LRP1B: variants seen among roughly 807,000 people sequenced by gnomAD.
LRP1B encodes LDL receptor related protein 1B, also known as low-density lipoprotein receptor-related protein 1B.
In LRP1B, 217 loss-of-function variants were observed where a neutral mutation model predicts 556.6. The observed-to-expected ratio is 0.39, with a 90% confidence interval of 0.35 to 0.44. The LOEUF (loss-of-function observed/expected upper bound fraction) is 0.44, where lower values mean the gene tolerates loss of function less well. LRP1B is among the 20% of genes least tolerant of loss of function. The pLI, the probability that LRP1B is intolerant of heterozygous loss-of-function variation, is 1.00. For synonymous variants in LRP1B, 2,047 were observed against 1,865.8 expected (o/e 1.10, Z -2.50); for missense variants, 5,053 against 5,620.8 (o/e 0.90, Z 3.23).
At chr2:140,273,134 T>A (rs541997950) in intron 85 of LRP1B, among the ~76,000 whole-genome samples, 33 of 151,994 alleles carry the variant, frequency 2.2e-4, no homozygotes, top group Middle Eastern at 3.4e-3. Context: ...ATTTCTCAGA[T>A]GTGATCTCGG....
At chr2:141,599,002 T>TA (rs1462882323) in intron 2 of LRP1B, among the ~76,000 whole-genome samples, 1 of 137,378 alleles carries the variant, frequency 7.3e-6, no homozygotes, top group Non-Finnish European at 1.5e-5. Flanking sequence ...GCCAAGTCTA[T>TA]AAAAAAATTG....
intron 1 of LRP1B, among the ~76,000 whole-genome samples, chr2:141,823,832 A>ATATT (rs774815982): frequency 4.5e-4 from 69 of 152,012 alleles, no homozygotes; most frequent in African/African-American, 1.4e-3. Flanking sequence ...CCATGTCAGG[A>ATATT]TATTTATTTA....
At chr2:141,614,596 G>C (rs909713881) in intron 2 of LRP1B, among the ~76,000 whole-genome samples, 3 of 152,180 alleles carry the variant, frequency 2.0e-5, no homozygotes, top group African/African-American at 4.8e-5. Context: ...TGCACACAAA[G>C]AAAACACAAC....
chr2:141,845,168 G>A (rs1042556333), intron 1 of LRP1B, among the ~76,000 whole-genome samples: 2 of 151,440 alleles, frequency 1.3e-5, no homozygotes, highest in African/African-American at 2.4e-5. Flanking sequence ...GAATCTTTCA[G>A]CTTCAAGGTT....
chr2:140,972,099 G>A (rs907237314), intron 18 of LRP1B, among the ~76,000 whole-genome samples: 1 of 152,150 alleles, frequency 6.6e-6, no homozygotes, highest in Non-Finnish European at 1.5e-5. Context: ...CCACTTTTCT[G>A]CAGACTGGGC....
chr2:140,241,560 T>A (rs1281476314), intron 87 of LRP1B, among the ~76,000 whole-genome samples: 2 of 150,848 alleles, frequency 1.3e-5, no homozygotes, highest in Non-Finnish European at 3.0e-5. Context: ...GTTTCTTTTT[T>A]TCCCTTCATA....
At chr2:140,859,089 G>A (rs1478147459) in intron 27 of LRP1B, among the ~76,000 whole-genome samples, 1 of 152,026 alleles carries the variant, frequency 6.6e-6, no homozygotes, top group Non-Finnish European at 1.5e-5. Flanking sequence ...CAAAGTGCTG[G>A]GTTTACCAGT....
chr2:140,612,663 C>G (rs1370538570), intron 41 of LRP1B, among the ~76,000 whole-genome samples: 1 of 152,060 alleles, frequency 6.6e-6, no homozygotes, highest in South Asian at 2.1e-4. Context: ...AGTGATTGAG[C>G]GCTTGATCCG....
At chr2:140,463,007 A>G (rs1488983322) in intron 60 of LRP1B, among the ~76,000 whole-genome samples, 1 of 152,196 alleles carries the variant, frequency 6.6e-6, no homozygotes, top group African/African-American at 2.4e-5. Context: ...GCATAGTGTG[A>G]AAAACAAAAA....
At chr2:141,885,824 T>C (rs1213046498) in intron 1 of LRP1B, among the ~76,000 whole-genome samples, 1 of 152,196 alleles carries the variant, frequency 6.6e-6, no homozygotes, top group Non-Finnish European at 1.5e-5. Flanking sequence ...AGGGAAAAAC[T>C]GAAAGCTTGT....
chr2:142,009,176 A>C (rs753830608), intron 1 of LRP1B, among the ~76,000 whole-genome samples: 6 of 152,208 alleles, frequency 3.9e-5, no homozygotes, highest in Non-Finnish European at 7.3e-5. Flanking sequence ...AAGTCATGAC[A>C]CACAATAAGC....
chr2:141,584,226 C>T (rs938095750), intron 2 of LRP1B, among the ~76,000 whole-genome samples: 6 of 149,856 alleles, frequency 4.0e-5, no homozygotes, highest in Non-Finnish European at 8.9e-5. Context: ...GTCTGGGTGA[C>T]AGAGTGAGAC....
intron 2 of LRP1B, among the ~76,000 whole-genome samples, chr2:141,637,087 G>GT (rs1689131320): frequency 1.3e-5 from 2 of 151,926 alleles, no homozygotes; most frequent in South Asian, 4.1e-4. Context: ...CTTTTTTTAA[G>GT]GCAAGCATGT....
intron 3 of LRP1B, among the ~76,000 whole-genome samples, chr2:141,424,246 T>C (rs1174408295): frequency 6.6e-6 from 1 of 152,012 alleles, no homozygotes; most frequent in South Asian, 2.1e-4. Flanking sequence ...CCAGAGTAGC[T>C]GGGATTACAG....
At chr2:141,290,268 A>T (rs1335511107) in intron 3 of LRP1B, among the ~76,000 whole-genome samples, 1 of 152,204 alleles carries the variant, frequency 6.6e-6, no homozygotes, top group East Asian at 1.9e-4. Flanking sequence ...AGATGATTGT[A>T]ATAGAAAGAA....
intron 66 of LRP1B, among the ~76,000 whole-genome samples, chr2:140,414,020 A>G (rs1385241774): frequency 6.6e-6 from 1 of 152,138 alleles, no homozygotes; most frequent in Admixed American, 6.5e-5. Flanking sequence ...GGCTCAAGCA[A>G]TCCTCCCACC....
At chr2:141,029,659 T>C (rs1698311646) in intron 11 of LRP1B, among the ~76,000 whole-genome samples, 1 of 152,136 alleles carries the variant, frequency 6.6e-6, no homozygotes, top group African/African-American at 2.4e-5. Context: ...AGGCCTATCA[T>C]GTCGCTCCCT....
At chr2:140,890,507 T>C (rs1693766490) in intron 23 of LRP1B, among the ~76,000 whole-genome samples, 1 of 152,164 alleles carries the variant, frequency 6.6e-6, no homozygotes, top group African/African-American at 2.4e-5. Flanking sequence ...GTATTCTTTA[T>C]AGTCATTTTA....
rs73961425 is a variant in LRP1B, at chr2:140,528,564, G to A, written c.7763-2214C>T. The stretch of plus-strand genomic sequence containing the variant: ...GGAGGGGGACAAGGATGGGCTATCA[G>A]AGTGTGTAAGAGGTGCAAGTAGGAA... On this transcript the variant is annotated intron_variant, in intron 47 of 90. Transcript: ENST00000389484. Among the ~76,000 whole-genome samples, 1,396 of 151,870 alleles carry A rather than the reference G, an allele frequency of 9.2e-3. 27 individuals are homozygous for A. Among genetic ancestry groups the A allele is most frequent in the African/African-American group, 0.032 (1,318 of 41,468 alleles).
Sources: gnomAD v4.1 joint callset for allele counts (sites outside exome capture counted in the v4.1 genomes callset) on GRCh38, gnomAD v4.1.1 for gene constraint, MANE v1.5 for transcripts, NCBI Gene and HGNC (gene_info 2026-07-23, HGNC 2026-07-21) for gene names.